Variants in SCN9A observed in about 807,000 individuals in gnomAD.
SCN9A encodes sodium channel protein type 9 subunit alpha.
SCN9A carries 131 observed loss-of-function variants against 187.0 expected under a neutral mutation model. The ratio of observed to expected loss-of-function variants is 0.70; its 90% CI spans 0.61 to 0.81. SCN9A has a LOEUF of 0.81. Among genes scored for constraint, SCN9A ranks in the 30% least tolerant of loss-of-function variants. SCN9A has a pLI of 0.00. For missense variants in SCN9A, 2,252 were observed against 2,396.6 expected (o/e 0.94, Z 1.26); for synonymous variants, 809 against 808.6 (o/e 1.00, Z -0.01).
intron 24 of SCN9A, 43 bp downstream of exon 24, chr2:166,226,524 G>T (rs769390827): frequency 1.1e-5 from 14 of 1,317,768 alleles, no homozygotes; most frequent in South Asian, 1.5e-5. Flanking sequence ...GAAAATAATT[G>T]TTCATCCCTT....
intron 1 of SCN9A, among the ~76,000 whole-genome samples, chr2:166,354,947 AT>A (rs953860333): frequency 0.015 from 2,310 of 149,094 alleles, 59 homozygotes; most frequent in African/African-American, 0.053. Flanking sequence ...AAAATTACTG[AT>A]TTTTTTTTTT....
chr2:166,224,637 T>C (rs1425537492), intron 24 of SCN9A, among the ~76,000 whole-genome samples: 3 of 152,156 alleles, frequency 2.0e-5, no homozygotes, highest in Admixed American at 6.5e-5. Flanking sequence ...CCCTCTAAAA[T>C]GTTTTAATGG....
At chr2:166,350,938 G>A (rs1214903934) in intron 1 of SCN9A, among the ~76,000 whole-genome samples, 1 of 151,982 alleles carries the variant, frequency 6.6e-6, no homozygotes, top group Non-Finnish European at 1.5e-5. Flanking sequence ...CTATTTTGAC[G>A]GTGACTTTTT....
At chr2:166,237,332 A>G (rs1020366042) in intron 20 of SCN9A, among the ~76,000 whole-genome samples, 6 of 151,952 alleles carry the variant, frequency 3.9e-5, no homozygotes, top group African/African-American at 1.4e-4. Context: ...AGCCTGTAAA[A>G]ATATTTCTAC....
intron 24 of SCN9A, among the ~76,000 whole-genome samples, chr2:166,212,929 C>G (rs1335877390): frequency 6.6e-6 from 1 of 152,020 alleles, no homozygotes; most frequent in Non-Finnish European, 1.5e-5. Flanking sequence ...TTAAAAGTAT[C>G]TTGAAACAAA....
At chr2:166,329,437 T>C (rs1699442698) in intron 1 of SCN9A, among the ~76,000 whole-genome samples, 1 of 152,180 alleles carries the variant, frequency 6.6e-6, no homozygotes, top group Non-Finnish European at 1.5e-5. Flanking sequence ...CACTTTATTG[T>C]GTATATTTAA....
chr2:166,203,939 A>T lies in SCN9A; in HGVS notation c.4774+16T>A, dbSNP rs10180721. 1,260,148 of 1,446,268 alleles carry T rather than the reference A, an allele frequency of 0.87. 549,682 individuals are homozygous for T. The highest frequency in any genetic ancestry group is 0.95 in the East Asian group (39,988 of 42,142). The allele number at this position is 1,446,268 out of a possible 1,614,324, so 89.6% of individuals were successfully genotyped here. A position where few individuals can be genotyped will look rare whatever the true frequency, so the allele number is the denominator to read the frequency against. ...CTTTACTCAAAAAATAAAATCTGAA[A>T]AATAAATATTCTTACCTACAATGGA... On this transcript the variant is annotated intron_variant, in intron 26 of 26. Coordinates refer to ENST00000642356, the MANE Select transcript of SCN9A (RefSeq NM_001365536.1).
chr2:166,346,736 A>T (rs746919102), intron 1 of SCN9A, among the ~76,000 whole-genome samples: 1 of 152,184 alleles, frequency 6.6e-6, no homozygotes, highest in African/African-American at 2.4e-5. Flanking sequence ...GAAACCTATC[A>T]TTGTTCTCTC....
At chr2:166,359,254 T>C (rs1311062531) in intron 1 of SCN9A, among the ~76,000 whole-genome samples, 1 of 152,182 alleles carries the variant, frequency 6.6e-6, no homozygotes, top group Non-Finnish European at 1.5e-5. Context: ...GGAAAATTTC[T>C]ATTTTTATTT....
intron 1 of SCN9A, among the ~76,000 whole-genome samples, chr2:166,330,074 T>C (rs773976748): frequency 3.3e-4 from 50 of 152,306 alleles, no homozygotes; most frequent in Non-Finnish European, 5.9e-4. Flanking sequence ...CTATTCTAAT[T>C]AAAAATTTTA....
intron 24 of SCN9A, among the ~76,000 whole-genome samples, chr2:166,212,046 A>T (rs1694119794): frequency 6.6e-6 from 1 of 152,218 alleles, no homozygotes; most frequent in Non-Finnish European, 1.5e-5. Flanking sequence ...AGATTTAAGA[A>T]AACATAGTTT....
At chr2:166,222,358 A>T (rs149668406) in intron 24 of SCN9A, among the ~76,000 whole-genome samples, 8 of 152,256 alleles carry the variant, frequency 5.3e-5, no homozygotes, top group Non-Finnish European at 1.2e-4. Flanking sequence ...GGCCAGGTGC[A>T]GTGGCTCATG....
intron 18 of SCN9A, among the ~76,000 whole-genome samples, chr2:166,243,321 G>A (rs1048032638): frequency 7.2e-5 from 11 of 151,902 alleles, no homozygotes; most frequent in Non-Finnish European, 8.8e-5. Flanking sequence ...CCCTTGTTAC[G>A]TATCTTTTAT....
intron 1 of SCN9A, among the ~76,000 whole-genome samples, chr2:166,366,495 T>C (rs1700420482): frequency 6.6e-6 from 1 of 152,232 alleles, no homozygotes; most frequent in Non-Finnish European, 1.5e-5. Context: ...GAAGTGCATA[T>C]ATCTCTTTGA....
At chr2:166,298,310 A>G (rs1021558352) in intron 7 of SCN9A, among the ~76,000 whole-genome samples, 2 of 152,228 alleles carry the variant, frequency 1.3e-5, no homozygotes, top group Admixed American at 1.3e-4. Context: ...TTTTAGCCCA[A>G]TATAACCACA....
intron 2 of SCN9A, among the ~76,000 whole-genome samples, chr2:166,307,839 G>A (rs141042794): frequency 2.6e-5 from 4 of 152,314 alleles, no homozygotes; most frequent in African/African-American, 9.6e-5. Flanking sequence ...GCAACCTAAA[G>A]CATTGGCTTA....
In SCN9A at chr2:166,226,607, A is replaced by G. The variant is rs1558963758; in HGVS notation, c.4358T>C (p.Ile1453Thr). 12 of 1,588,992 alleles carry G rather than the reference A, an allele frequency of 7.6e-6. 1 individual carries two copies. The highest frequency in any genetic ancestry group is 2.4e-5 in the South Asian group (2 of 84,506). The change falls in exon 24 of 27, where the codon ATT becomes ACT. Residue 1453 changes from isoleucine to threonine, a missense_variant. Around this residue, in one of 7 missense-constraint regions of SCN9A, gnomAD observed 368 missense variants for 408.6 expected, o/e 0.90. Transcript: ENST00000642356. The stretch of plus-strand genomic sequence containing the variant: ...GTTGAAATTATCTATGATGACACCA[A>G]TGAACAAGTTCAAAGTGAAGAATGA... The part of the protein sequence containing the change: ...FGSFFTLNLF[I>T]GVIIDNFNQQ...
At position 166,272,714 on chromosome 2, in the gene SCN9A, T is replaced by C. The variant is rs200375962; in HGVS notation, c.3036A>G (p.Lys1012=). The change falls in exon 17 of 27, where the codon AAA becomes AAG. Residue 1012 remains lysine (K), a synonymous_variant. Coordinates refer to ENST00000642356, the MANE Select transcript of SCN9A (RefSeq NM_001365536.1). ...AAATCTTTGGCTTTTTGGAAAATGC[T>C]TTTAGAATAAATTCACGTAAGGTTT... ...VKQTLREFIL[K]AFSKKPKISR... 2.1e-5 allele frequency: 34 copies of C among 1,595,408 alleles called. No individual in the cohort carries two copies. Among genetic ancestry groups the C allele is most frequent in the Admixed American group, 1.9e-4 (11 of 56,996 alleles).
At chr2:166,303,051 A>G (rs1158440506) in intron 7 of SCN9A, 39 bp downstream of exon 7, 12 of 1,369,418 alleles carry the variant, frequency 8.8e-6, no homozygotes, top group Non-Finnish European at 1.2e-5. Flanking sequence ...TGTTTTTAGC[A>G]TTATTTCAAC....
Sources: allele counts gnomAD v4.1 joint callset (sites outside exome capture counted in the v4.1 genomes callset), GRCh38; gene constraint gnomAD v4.1.1; regional missense constraint gnomAD v4.1.1; transcripts MANE v1.5; gene names NCBI Gene and HGNC (gene_info 2026-07-23, HGNC 2026-07-21).